ANK3: variants seen among roughly 807,000 people sequenced by gnomAD.
ANK3 encodes the protein ankyrin 3.
In ANK3, 57 loss-of-function variants were observed where a neutral mutation model predicts 370.9. That is an observed-to-expected ratio of 0.15 (90% CI 0.12 to 0.19). The LOEUF (loss-of-function observed/expected upper bound fraction) is 0.19, where lower values mean the gene tolerates loss of function less well. Ranked by LOEUF, ANK3 falls within the 10% of genes least tolerant of loss-of-function variation. The pLI is 1.00. For synonymous variants in ANK3, 1,929 were observed against 1,946.3 expected (o/e 0.99, Z 0.23); for missense variants, 4,439 against 5,302.1 (o/e 0.84, Z 5.06).
chr10:60,629,282 G>A lies in ANK3; in HGVS notation c.58-14058C>T, dbSNP rs1054688418. Among the ~76,000 whole-genome samples the A allele has an allele frequency of 6.6e-5, 10 of 152,274 alleles. No homozygotes were observed. In the South Asian group the frequency reaches 2.1e-3, roughly 32 times the overall value. On this transcript the variant is annotated intron_variant, in intron 1 of 43. Coordinates refer to the ANK3 transcript ENST00000373827. ...GCAATTTAAATTTTTAGTATCTCCA[G>A]AGACCAAGTTAAATGGCTGCTAAAA...
intron 1 of ANK3, among the ~76,000 whole-genome samples, chr10:60,344,681 C>CTATGATAT (rs1240715140): frequency 6.6e-6 from 1 of 152,032 alleles, no homozygotes; most frequent in Non-Finnish European, 1.5e-5. Context: ...AAATATATGG[C>CTATGATAT]TATGATATTT....
At chr10:60,368,800 A>G (rs535278981) in intron 1 of ANK3, among the ~76,000 whole-genome samples, 6 of 152,166 alleles carry the variant, frequency 3.9e-5, no homozygotes, top group Non-Finnish European at 7.3e-5. Flanking sequence ...CTCTATGGAG[A>G]AAAAAACTCC....
At chr10:60,143,045 G>A (rs920129630) in intron 23 of ANK3, among the ~76,000 whole-genome samples, 12 of 152,246 alleles carry the variant, frequency 7.9e-5, no homozygotes, top group African/African-American at 2.6e-4. Context: ...TAATCAGCAC[G>A]ATTACTATTA....
At chr10:60,522,346 CT>C (rs11425050) in intron 2 of ANK3, among the ~76,000 whole-genome samples, 29 of 144,700 alleles carry the variant, frequency 2.0e-4, no homozygotes, top group African/African-American at 3.8e-4. Flanking sequence ...CATATTGAGA[CT>C]TTTTTTTTTT....
chr10:60,576,816 C>T (rs1259744028), intron 2 of ANK3, among the ~76,000 whole-genome samples: 1 of 152,194 alleles, frequency 6.6e-6, no homozygotes, highest in Non-Finnish European at 1.5e-5. Flanking sequence ...GCTGTGCCCT[C>T]TTCCTCCACC....
chr10:60,588,035 T>C (rs903394468), intron 2 of ANK3, among the ~76,000 whole-genome samples: 4 of 152,044 alleles, frequency 2.6e-5, no homozygotes, highest in Admixed American at 6.6e-5. Flanking sequence ...TGTTCACCAA[T>C]GTTAACATCA....
chr10:60,058,313 T>C (rs2079604364), intron 41 of ANK3, among the ~76,000 whole-genome samples: 1 of 152,218 alleles, frequency 6.6e-6, no homozygotes, highest in Admixed American at 6.5e-5. Context: ...GACTTTCACC[T>C]TTCTAGAGCA....
At chr10:60,715,283 G>A (rs1222620359) in intron 1 of ANK3, among the ~76,000 whole-genome samples, 3 of 149,402 alleles carry the variant, frequency 2.0e-5, no homozygotes, top group African/African-American at 7.4e-5. Context: ...AAGCAAACAC[G>A]GTGTTTGATT....
Position 60,693,175 on chromosome 10 carries a change from C to T in ANK3, c.57+40088G>A, listed in dbSNP as rs1200399466. 2.6e-5 allele frequency among the ~76,000 whole-genome samples: 4 copies of T among 152,192 alleles called. No homozygotes were observed. In the South Asian group the frequency reaches 8.3e-4, roughly 31 times the overall value. ...CCTGGAAAATCGGGTCACTCCCACC[C>T]CGAATACTGCACTTTTCTGATGGGC... On this transcript the variant is annotated intron_variant, in intron 1 of 43. Coordinates refer to the ANK3 transcript ENST00000373827.
chr10:60,171,133 A>G (rs1202021762), intron 21 of ANK3, among the ~76,000 whole-genome samples: 1 of 152,226 alleles, frequency 6.6e-6, no homozygotes, highest in Non-Finnish European at 1.5e-5. Flanking sequence ...ATTTTAATAT[A>G]ATAAAATCCT....
rs1370941988 is a variant in ANK3 at position 60,246,280 on chromosome 10, AAG to A, written c.799-11496_799-11495del. ...CAAAAAAAAAAAAAAAAAAAAAAAAAAGAAAAAAGAAAAAAAGATGATCACCA... is the reference window on the plus strand; with the variant it reads ...CAAAAAAAAAAAAAAAAAAAAAAAAAAAAAAAGAAAAAAAGATGATCACCA... On this transcript the variant is annotated intron_variant, in intron 7 of 43. Transcript: ENST00000280772. Among the ~76,000 whole-genome samples the A allele has an allele frequency of 7.5e-5, 10 of 133,478 alleles. No individual in the cohort carries two copies. In the South Asian group the frequency reaches 8.5e-4, roughly 11 times the overall value. The allele number at this position is 133,478 out of a possible 152,430, so 87.6% of individuals were successfully genotyped here. A position where few individuals can be genotyped will look rare whatever the true frequency, so the allele number is the denominator to read the frequency against.
chr10:60,165,249 T>C (rs2095597297), intron 23 of ANK3, among the ~76,000 whole-genome samples: 1 of 152,220 alleles, frequency 6.6e-6, no homozygotes, highest in Non-Finnish European at 1.5e-5. Context: ...GAATATCATT[T>C]TTTCTTTTAT....
At chr10:60,603,021 T>G (rs1472746610) in intron 2 of ANK3, among the ~76,000 whole-genome samples, 1 of 152,162 alleles carries the variant, frequency 6.6e-6, no homozygotes, top group Admixed American at 6.6e-5. Flanking sequence ...TAGTACATGA[T>G]GCAGAATGTA....
intron 1 of ANK3, among the ~76,000 whole-genome samples, chr10:60,696,586 G>A (rs2079454984): frequency 6.7e-6 from 1 of 149,096 alleles, no homozygotes. Context: ...TGGGATGCAA[G>A]GCTGGTTCAA....
intron 28 of ANK3, among the ~76,000 whole-genome samples, chr10:60,092,969 C>T (rs139523963): frequency 0.043 from 6,521 of 152,330 alleles, 190 homozygotes; most frequent in Non-Finnish European, 0.068. Flanking sequence ...CTCCTGACCT[C>T]AGGCAATCCG....
chr10:60,529,873 T>C (rs1045284807), intron 2 of ANK3, among the ~76,000 whole-genome samples: 1 of 152,190 alleles, frequency 6.6e-6, no homozygotes, highest in East Asian at 1.9e-4. Context: ...TCAGAATTTG[T>C]TTTCGTTCTC....
At chr10:60,730,595 AT>A (rs1366727451) in intron 1 of ANK3, among the ~76,000 whole-genome samples, 5 of 152,238 alleles carry the variant, frequency 3.3e-5, no homozygotes, top group African/African-American at 1.2e-4. Flanking sequence ...ATTTTAAGCT[AT>A]TTTCACATGT....
At chr10:60,084,879 C>A in intron 31 of ANK3, 49 bp from the exon 32 acceptor site, 1 of 1,350,652 alleles carries the variant, frequency 7.4e-7, no homozygotes, top group Non-Finnish European at 1.0e-6. Context: ...ATTTAAAAGC[C>A]AAATCTTAAA....
At chr10:60,596,728 A>T (rs2077993013) in intron 2 of ANK3, among the ~76,000 whole-genome samples, 2 of 152,324 alleles carry the variant, frequency 1.3e-5, no homozygotes, top group African/African-American at 4.8e-5. Flanking sequence ...AAATGAATTC[A>T]TATCAGGGAA....
Sources: gnomAD v4.1 joint callset for allele counts (sites outside exome capture counted in the v4.1 genomes callset) on GRCh38, gnomAD v4.1.1 for gene constraint, MANE v1.5 for transcripts, NCBI Gene and HGNC (gene_info 2026-07-23, HGNC 2026-07-21) for gene names.